The following CADM2 variants were observed in gnomAD, a reference collection of about 807,000 sequenced individuals.
The protein encoded by CADM2 is immunoglobulin superfamily member 4D.
A neutral mutation model predicts 49.8 loss-of-function variants in CADM2; 12 were observed. The ratio of observed to expected loss-of-function variants is 0.24; its 90% CI spans 0.15 to 0.39. CADM2 has a LOEUF of 0.39. Among genes scored for constraint, CADM2 ranks in the 10% least tolerant of loss-of-function variants. CADM2 has a pLI of 1.00. For missense variants in CADM2, 378 were observed against 492.3 expected, an observed-to-expected ratio of 0.77 and a Z score of 2.20; for synonymous variants, 214 against 175.4, an observed-to-expected ratio of 1.22 and a Z score of -1.74.
In CADM2 at chr3:85,247,177, T is replaced by G. The variant is rs887398848; in HGVS notation, c.61+287509T>G. Among the ~76,000 whole-genome samples, 3 of 152,070 alleles carry G rather than the reference T, an allele frequency of 2.0e-5. No individual in the cohort carries two copies. The East Asian group carries it at 5.8e-4, about 29-fold the overall frequency. The stretch of plus-strand genomic sequence containing the variant: ...AAATCATACTCTGAAAAGGGCATAG[T>G]GTAGAACATTAAACTGTATTAAGTT... On this transcript the variant is annotated intron_variant, in intron 1 of 9. Transcript: ENST00000383699.
At chr3:85,468,132 C>A (rs907951141) in intron 1 of CADM2, among the ~76,000 whole-genome samples, 2 of 110,958 alleles carry the variant, frequency 1.8e-5, no homozygotes, top group Non-Finnish European at 3.3e-5. Context: ...CCAGCCTGGG[C>A]GACAGAGCGA....
chr3:85,479,028 C>T (rs1300657373), intron 1 of CADM2, among the ~76,000 whole-genome samples: 1 of 151,822 alleles, frequency 6.6e-6, no homozygotes, highest in Non-Finnish European at 1.5e-5. Flanking sequence ...ACTGAAGCTT[C>T]AACCTCCTGG....
At chr3:85,644,063 A>T (rs540803355) in intron 1 of CADM2, among the ~76,000 whole-genome samples, 4 of 152,280 alleles carry the variant, frequency 2.6e-5, no homozygotes, top group African/African-American at 9.6e-5. Flanking sequence ...TTACTCTGCT[A>T]TGGTTACCAT....
intron 1 of CADM2, among the ~76,000 whole-genome samples, chr3:85,606,118 T>C (rs993104008): frequency 2.0e-5 from 3 of 152,136 alleles, no homozygotes; most frequent in East Asian, 1.9e-4. Context: ...AAGGGCATTA[T>C]AGACATTAAC....
At chr3:85,634,793 G>A (rs1425945466) in intron 1 of CADM2, among the ~76,000 whole-genome samples, 2 of 152,036 alleles carry the variant, frequency 1.3e-5, no homozygotes, top group Non-Finnish European at 2.9e-5. Flanking sequence ...TTTCTGATAA[G>A]ACAAAGGTAG....
chr3:85,339,152 A>G (rs1161910093), intron 1 of CADM2, among the ~76,000 whole-genome samples: 1 of 151,550 alleles, frequency 6.6e-6, no homozygotes. Context: ...TAATAAACCC[A>G]TTTTAAAAAT....
chr3:85,718,808 A>G (rs1054147266), intron 1 of CADM2, among the ~76,000 whole-genome samples: 14 of 151,246 alleles, frequency 9.3e-5, no homozygotes, highest in African/African-American at 3.1e-4. Flanking sequence ...AAAAGTAGGT[A>G]AAATCTTACA....
intron 1 of CADM2, among the ~76,000 whole-genome samples, chr3:85,490,836 T>G (rs936385753): frequency 6.6e-6 from 1 of 152,004 alleles, no homozygotes; most frequent in African/African-American, 2.4e-5. Context: ...TATAAACTCT[T>G]TGTTCTGAGA....
intron 1 of CADM2, among the ~76,000 whole-genome samples, chr3:84,989,774 G>T (rs2032778868): frequency 6.6e-6 from 1 of 151,976 alleles, no homozygotes; most frequent in South Asian, 2.1e-4. Flanking sequence ...AGAATTAACT[G>T]AAATAATTTT....
chr3:85,896,290 A>G (rs1715209522), intron 5 of CADM2, among the ~76,000 whole-genome samples: 1 of 152,188 alleles, frequency 6.6e-6, no homozygotes, highest in Non-Finnish European at 1.5e-5. Context: ...CGTCTCAAAT[A>G]AAAGAGAAAA....
chr3:85,043,215 A>G (rs528308871), intron 1 of CADM2, among the ~76,000 whole-genome samples: 90 of 152,220 alleles, frequency 5.9e-4, no homozygotes, highest in African/African-American at 2.1e-3. Context: ...AGGTGCACTT[A>G]AAAGCAATTT....
At chr3:85,996,675 A>G (rs1317035564) in intron 8 of CADM2, among the ~76,000 whole-genome samples, 1 of 152,168 alleles carries the variant, frequency 6.6e-6, no homozygotes, top group East Asian at 1.9e-4. Flanking sequence ...ATTGTTCTGA[A>G]ATATTCTAAG....
At chr3:85,876,557 T>C (rs1027187862) in intron 3 of CADM2, among the ~76,000 whole-genome samples, 13 of 152,182 alleles carry the variant, frequency 8.5e-5, no homozygotes, top group African/African-American at 2.9e-4. Context: ...TTTAATGTTC[T>C]CTTAAAAGTG....
At chr3:85,697,069 T>TATATATATATATGCCATATATATATGCC (rs2066581981) in intron 1 of CADM2, among the ~76,000 whole-genome samples, 4 of 55,230 alleles carry the variant, frequency 7.2e-5, no homozygotes, top group African/African-American at 1.6e-4. Flanking sequence ...CTGTCTTAAT[T>TATATATATATATGCCATATATATATGCC]ATATATATAT....
At chr3:85,557,860 A>T (rs68028504) in intron 1 of CADM2, among the ~76,000 whole-genome samples, 3 of 151,566 alleles carry the variant, frequency 2.0e-5, no homozygotes, top group African/African-American at 7.3e-5. Context: ...TCATAAAGAC[A>T]TTTTTTGCTA....
intron 1 of CADM2, among the ~76,000 whole-genome samples, chr3:85,002,910 C>T (rs898367394): frequency 6.6e-6 from 1 of 152,028 alleles, no homozygotes; most frequent in Non-Finnish European, 1.5e-5. Flanking sequence ...CTCAGCCTCC[C>T]AAATAGTCAA....
intron 1 of CADM2, among the ~76,000 whole-genome samples, chr3:85,135,205 G>A (rs1402328228): frequency 2.6e-5 from 4 of 151,670 alleles, no homozygotes; most frequent in South Asian, 2.1e-4. Context: ...ATTTTACAAA[G>A]CAAAAAATAG....
intron 1 of CADM2, among the ~76,000 whole-genome samples, chr3:85,334,620 C>CA (rs2107165982): frequency 6.6e-6 from 1 of 151,526 alleles, no homozygotes; most frequent in East Asian, 1.9e-4. Context: ...CAAAATTTGC[C>CA]TAAAACTTAG....
At chr3:85,968,672 G>A (rs1179857172) in intron 8 of CADM2, among the ~76,000 whole-genome samples, 1 of 151,552 alleles carries the variant, frequency 6.6e-6, no homozygotes, top group African/African-American at 2.4e-5. Flanking sequence ...AGAATCTGTG[G>A]CACTCGGTCC....
Sources: allele counts gnomAD v4.1 joint callset (sites outside exome capture counted in the v4.1 genomes callset), GRCh38; gene constraint gnomAD v4.1.1; transcripts MANE v1.5; gene names NCBI Gene and HGNC (gene_info 2026-07-23, HGNC 2026-07-21).